SDK1: variants seen among roughly 807,000 people sequenced by gnomAD.
SDK1 encodes protein sidekick-1.
In SDK1, 157 loss-of-function variants were observed where a neutral mutation model predicts 245.5. That is an observed-to-expected ratio of 0.64 (90% CI 0.56 to 0.73). The LOEUF (loss-of-function observed/expected upper bound fraction) is 0.73, where lower values mean the gene tolerates loss of function less well. Ranked by LOEUF, SDK1 falls within the 30% of genes least tolerant of loss-of-function variation. The probability of loss-of-function intolerance (pLI) is 0.00; values close to 1 mark genes in which losing one functional copy is unlikely to be tolerated. For synonymous variants in SDK1, 1,647 were observed against 1,278.5 expected (o/e 1.29, Z -6.15); for missense variants, 3,583 against 3,002.3 (o/e 1.19, Z -4.52).
At chr7:3,446,875 G>A (rs1357310) in intron 1 of SDK1, among the ~76,000 whole-genome samples, 118,003 of 152,100 alleles carry the variant, frequency 0.78, 46,391 homozygotes, top group African/African-American at 0.91. Flanking sequence ...TCTCTTCACA[G>A]TCTTTTTCAG....
intron 4 of SDK1, among the ~76,000 whole-genome samples, chr7:3,811,176 C>CAG (rs1270614814): frequency 6.6e-6 from 1 of 152,194 alleles, no homozygotes; most frequent in Non-Finnish European, 1.5e-5. Flanking sequence ...TGCACTTCAT[C>CAG]AGTGTCCTTT....
chr7:3,414,259 G>T (rs7807164), intron 1 of SDK1, among the ~76,000 whole-genome samples: 2 of 152,072 alleles, frequency 1.3e-5, no homozygotes, highest in Non-Finnish European at 2.9e-5. Context: ...GAAATTTGAA[G>T]GGTCCTAGGG....
At chr7:4,229,685 G>A (rs1562459331) in intron 40 of SDK1, among the ~76,000 whole-genome samples, 1 of 152,106 alleles carries the variant, frequency 6.6e-6, no homozygotes, top group Non-Finnish European at 1.5e-5. Context: ...ACAGTCTGAA[G>A]AAATCCTTCA....
At chr7:3,535,359 A>C (rs7779462) in intron 1 of SDK1, among the ~76,000 whole-genome samples, 39,236 of 152,112 alleles carry the variant, frequency 0.26, 5,269 homozygotes, top group East Asian at 0.34. Flanking sequence ...AACATATACT[A>C]TTCTAATTAC....
At chr7:4,017,696 C>G in intron 17 of SDK1, among the ~76,000 whole-genome samples, 1 of 152,110 alleles carries the variant, frequency 6.6e-6, no homozygotes, top group East Asian at 1.9e-4. Flanking sequence ...CTGTGGAGTT[C>G]TGTGTGATAC....
chr7:4,156,152 C>A (rs1265764043), intron 30 of SDK1, among the ~76,000 whole-genome samples: 4 of 152,124 alleles, frequency 2.6e-5, no homozygotes, highest in South Asian at 2.1e-4. Flanking sequence ...AGAAGCCAGG[C>A]AGTTTGACTT....
At chr7:3,884,239 C>T (rs1211504365) in intron 5 of SDK1, among the ~76,000 whole-genome samples, 2 of 152,068 alleles carry the variant, frequency 1.3e-5, no homozygotes, top group African/African-American at 4.8e-5. Flanking sequence ...AGCCACTGCA[C>T]CCGGCCGCCT....
chr7:3,548,204 C>T (rs1366286641), intron 1 of SDK1, among the ~76,000 whole-genome samples: 2 of 152,112 alleles, frequency 1.3e-5, no homozygotes, highest in Non-Finnish European at 2.9e-5. Flanking sequence ...ATGTAATAGA[C>T]CTGGCAAAAC....
At chr7:4,202,756 T>G (rs1783965327) in intron 35 of SDK1, among the ~76,000 whole-genome samples, 1 of 151,548 alleles carries the variant, frequency 6.6e-6, no homozygotes, top group African/African-American at 2.4e-5. Flanking sequence ...TAGAACCGTT[T>G]TGTTTTGTTT....
At chr7:3,882,728 T>C (rs1583508967) in intron 5 of SDK1, among the ~76,000 whole-genome samples, 1 of 147,450 alleles carries the variant, frequency 6.8e-6, no homozygotes, top group South Asian at 2.1e-4. Context: ...ATGAGCCTTC[T>C]TTTTTTTTTT....
At chr7:3,932,353 G>T (rs973181744) in intron 5 of SDK1, among the ~76,000 whole-genome samples, 3 of 152,176 alleles carry the variant, frequency 2.0e-5, no homozygotes, top group African/African-American at 7.2e-5. Context: ...TTTATTGTCA[G>T]TGTTGATTTT....
At chr7:3,806,045 C>T (rs1779234759) in intron 4 of SDK1, among the ~76,000 whole-genome samples, 1 of 152,126 alleles carries the variant, frequency 6.6e-6, no homozygotes, top group Admixed American at 6.5e-5. Flanking sequence ...TGATAATGCC[C>T]TGAGGTCAAA....
chr7:3,850,198 G>A (rs184569631), intron 5 of SDK1, among the ~76,000 whole-genome samples: 23 of 152,308 alleles, frequency 1.5e-4, no homozygotes, highest in African/African-American at 4.8e-4. Context: ...CACTCATCAG[G>A]CACATGGCTT....
chr7:3,551,988 G>A (rs1438358758), intron 1 of SDK1, among the ~76,000 whole-genome samples: 3 of 151,788 alleles, frequency 2.0e-5, no homozygotes, highest in Non-Finnish European at 2.9e-5. Context: ...TGGGTCGTTC[G>A]GGTTGTAGTG....
At chr7:3,775,735 C>G (rs1216025886) in intron 4 of SDK1, among the ~76,000 whole-genome samples, 1 of 151,966 alleles carries the variant, frequency 6.6e-6, no homozygotes, top group Admixed American at 6.6e-5. Flanking sequence ...CGCCACCGCA[C>G]CCGGCTAATT....
intron 25 of SDK1, among the ~76,000 whole-genome samples, chr7:4,126,729 T>A (rs1265929035): frequency 6.6e-6 from 1 of 152,250 alleles, no homozygotes; most frequent in Non-Finnish European, 1.5e-5. Context: ...TACATGTGTA[T>A]GGGTCGAGAA....
At chr7:4,243,384 A>G (rs1786647731) in intron 43 of SDK1, among the ~76,000 whole-genome samples, 1 of 152,174 alleles carries the variant, frequency 6.6e-6, no homozygotes, top group Non-Finnish European at 1.5e-5. Context: ...ATAAGCCATC[A>G]CCTTTTCAGT....
intron 19 of SDK1, among the ~76,000 whole-genome samples, chr7:4,057,249 G>C (rs1779262117): frequency 6.6e-6 from 1 of 152,188 alleles, no homozygotes; most frequent in Non-Finnish European, 1.5e-5. Flanking sequence ...GGACAGGCCT[G>C]CTTGGCTTGC....
intron 26 of SDK1, 59 bp from the exon 27 acceptor site, chr7:4,129,849 A>G: frequency 6.2e-7 from 1 of 1,602,660 alleles, no homozygotes; most frequent in Non-Finnish European, 8.5e-7. Context: ...GCCCCATGCC[A>G]CGGCGGTCCC....
Sources: allele counts gnomAD v4.1 joint callset (sites outside exome capture counted in the v4.1 genomes callset), GRCh38; gene constraint gnomAD v4.1.1; transcripts MANE v1.5; gene names NCBI Gene and HGNC (gene_info 2026-07-23, HGNC 2026-07-21).